The following MCMBP variants were observed in gnomAD, a reference collection of about 807,000 sequenced individuals.
The protein encoded by MCMBP is mini-chromosome maintenance complex-binding protein.
A neutral mutation model predicts 81.3 loss-of-function variants in MCMBP; 31 were observed. The ratio of observed to expected loss-of-function variants is 0.38; its 90% CI spans 0.29 to 0.51. The LOEUF (loss-of-function observed/expected upper bound fraction) is 0.51. MCMBP is among the 20% of genes least tolerant of loss of function. MCMBP has a pLI of 0.87. For synonymous variants in MCMBP, 267 were observed against 275.9 expected, an observed-to-expected ratio of 0.97 and a Z score of 0.32; for missense variants, 645 against 772.1, an observed-to-expected ratio of 0.84 and a Z score of 1.95.
chr10:119,847,689 T>C lies in MCMBP; in HGVS notation c.751A>G (p.Lys251Glu). The C allele has an allele frequency of 6.2e-7, 1 of 1,609,942 alleles. No homozygotes were observed. Residue 251 changes from lysine to glutamate, a missense_variant, in exon 8 of 16, where the codon AAA (lysine) becomes GAA (glutamate). Lys to Glu is a moderately conservative substitution (Grantham distance 56). Transcript: ENST00000369077. ...TATAGCTCAAGAATGTCATTTACTT[T>C]GAAACAATCCCAATCTTCATAAACC... ...VKVYEDWDCF[K>E]VNDILELYGI...
Position 119,832,179 on chromosome 10 carries a change from G to T in MCMBP, c.1708-79C>A, listed in dbSNP as rs1022284229. On this transcript the variant is annotated intron_variant, in intron 14 of 15. Coordinates refer to ENST00000369077, the MANE Select transcript of MCMBP (RefSeq NM_001256378.2). ...TTAACATGGTTCCTTGACTGATGTA[G>T]TAAGGTGCATGTCAGCCTCTTAGAC... The T allele has an allele frequency of 7.8e-6, 10 of 1,283,190 alleles. No homozygotes were observed. In the Admixed American group the frequency reaches 8.0e-5, roughly 10 times the overall value. The allele number at this position is 1,283,190 out of a possible 1,614,324, so 79.5% of individuals were successfully genotyped here. A position where few individuals can be genotyped will look rare whatever the true frequency, so the allele number is the denominator to read the frequency against.
intron 5 of MCMBP, among the ~76,000 whole-genome samples, chr10:119,856,976 T>C (rs139373307): frequency 6.6e-6 from 1 of 151,460 alleles, no homozygotes; most frequent in East Asian, 1.9e-4. Context: ...GGCACACGCT[T>C]GTGGTCCCAG....
intron 6 of MCMBP, among the ~76,000 whole-genome samples, chr10:119,850,814 C>G (rs1014785924): frequency 6.8e-6 from 1 of 147,036 alleles, no homozygotes; most frequent in Non-Finnish European, 1.5e-5. Flanking sequence ...TGACATTCTA[C>G]TATAATTACG....
intron 8 of MCMBP, among the ~76,000 whole-genome samples, chr10:119,847,128 G>A (rs566135754): frequency 6.6e-6 from 1 of 152,170 alleles, no homozygotes; most frequent in South Asian, 2.1e-4. Flanking sequence ...CAAGCAGAAC[G>A]ACACCTGTGG....
At chr10:119,858,651 TA>T (rs1433223775) in intron 4 of MCMBP, among the ~76,000 whole-genome samples, 1 of 152,108 alleles carries the variant, frequency 6.6e-6, no homozygotes, top group Non-Finnish European at 1.5e-5. Flanking sequence ...TATATACAGA[TA>T]TTGGAGAGAG....
intron 6 of MCMBP, among the ~76,000 whole-genome samples, chr10:119,850,037 C>T (rs1303933448): frequency 6.6e-6 from 1 of 152,102 alleles, no homozygotes; most frequent in East Asian, 1.9e-4. Context: ...AGGAATCAAA[C>T]CAGTTGTTGG....
At chr10:119,859,468 AT>A (rs1278839261) in intron 2 of MCMBP, among the ~76,000 whole-genome samples, 1 of 152,240 alleles carries the variant, frequency 6.6e-6, no homozygotes, top group African/African-American at 2.4e-5. Flanking sequence ...TCAAAAAGGC[AT>A]TTACTTTGTT....
intron 14 of MCMBP, 112 bp from the exon 15 acceptor site, chr10:119,832,212 G>T (rs1330190714): frequency 5.1e-6 from 4 of 790,728 alleles, no homozygotes; most frequent in African/African-American, 3.5e-5. Context: ...GACAAAGGAG[G>T]CAATATGGGT....
chr10:119,862,141 T>G (rs893246940), intron 1 of MCMBP, among the ~76,000 whole-genome samples: 9 of 152,166 alleles, frequency 5.9e-5, no homozygotes, highest in Non-Finnish European at 1.3e-4. Context: ...ACCCCTTTTC[T>G]ACTAAAAATA....
chr10:119,855,117 A>G (rs1464213939), intron 5 of MCMBP, among the ~76,000 whole-genome samples: 1 of 152,174 alleles, frequency 6.6e-6, no homozygotes, highest in African/African-American at 2.4e-5. Context: ...TGTATAATCT[A>G]AGGATGAGTG....
chr10:119,854,968 AAAAAT>A (rs1262036893), intron 5 of MCMBP, among the ~76,000 whole-genome samples: 7 of 132,676 alleles, frequency 5.3e-5, no homozygotes, highest in Non-Finnish European at 8.0e-5. Flanking sequence ...AAAAAAAAAA[AAAAAT>A]AAAATAAAAT....
intron 1 of MCMBP, among the ~76,000 whole-genome samples, chr10:119,870,828 C>A (rs975557787): frequency 1.4e-4 from 21 of 152,156 alleles, no homozygotes; most frequent in African/African-American, 5.1e-4. Flanking sequence ...ACAACGTACA[C>A]GGGAACAAGA....
intron 1 of MCMBP, among the ~76,000 whole-genome samples, chr10:119,864,135 G>C (rs1337743484): frequency 6.6e-6 from 1 of 152,164 alleles, no homozygotes; most frequent in Non-Finnish European, 1.5e-5. Flanking sequence ...AAAACGGAAG[G>C]GGGCCACAAG....
At chr10:119,850,466 C>T (rs1248876845) in intron 6 of MCMBP, among the ~76,000 whole-genome samples, 1 of 152,052 alleles carries the variant, frequency 6.6e-6, no homozygotes, top group East Asian at 1.9e-4. Context: ...CTGCAAAGAA[C>T]AGGCCAGGTG....
chr10:119,850,196 G>C (rs990634511), intron 6 of MCMBP, among the ~76,000 whole-genome samples: 18 of 152,064 alleles, frequency 1.2e-4, no homozygotes, highest in African/African-American at 4.3e-4. Flanking sequence ...GCAACAATTG[G>C]GATGGATCTC....
chr10:119,832,099 G>A lies in MCMBP; in HGVS notation c.1709C>T (p.Ala570Val). The change falls in exon 15 of 16, where the codon GCA (alanine) becomes GTA (valine). Residue 570 changes from alanine to valine, a missense_variant and splice_region_variant. By Grantham distance (64) the Ala-to-Val change is moderately conservative. Transcript: ENST00000369077. Reference sequence around the variant, plus strand: ...CATTTCCACAAAGTCATCTTCAACTGCCTTTATCAAAAGAGTAAATGTAAA... The same window carrying A: ...CATTTCCACAAAGTCATCTTCAACTACCTTTATCAAAAGAGTAAATGTAAA... The part of the protein sequence containing the change: ...EYSISDEITK[A>V]VEDDFVEMRK... The A allele has an allele frequency of 1.2e-6, 2 of 1,611,122 alleles. No homozygotes were observed. The highest frequency in any genetic ancestry group is 2.2e-5 in the East Asian group (1 of 44,828).
chr10:119,865,035 T>C (rs1853403366), intron 1 of MCMBP, among the ~76,000 whole-genome samples: 1 of 152,384 alleles, frequency 6.6e-6, no homozygotes, highest in South Asian at 2.1e-4. Context: ...ATCTACTTGG[T>C]TGACAGTGTT....
chr10:119,862,037 T>C (rs1853274689), intron 1 of MCMBP, among the ~76,000 whole-genome samples: 1 of 152,214 alleles, frequency 6.6e-6, no homozygotes, highest in African/African-American at 2.4e-5. Flanking sequence ...CTGGGTGCGG[T>C]GGCTCACACC....
chr10:119,858,195 T>A (rs1187019400), intron 4 of MCMBP: 5 of 152,216 alleles, frequency 3.3e-5, no homozygotes, highest in African/African-American at 1.2e-4. Flanking sequence ...TCCCAGCATC[T>A]GGAAATGGGT....
Sources: allele counts gnomAD v4.1 joint callset (sites outside exome capture counted in the v4.1 genomes callset), GRCh38; gene constraint gnomAD v4.1.1; transcripts MANE v1.5; gene names NCBI Gene and HGNC (gene_info 2026-07-23, HGNC 2026-07-21).